Variants in TSKS observed in about 807,000 individuals in gnomAD.
The protein encoded by TSKS is testis specific serine kinase substrate, also known as testis-specific serine kinase substrate.
TSKS carries 27 observed loss-of-function variants against 68.0 expected under a neutral mutation model. That is an observed-to-expected ratio of 0.40 (90% confidence interval 0.29 to 0.55). TSKS has a LOEUF of 0.55. Ranked by LOEUF, TSKS falls within the 20% of genes least tolerant of loss-of-function variation. TSKS has a pLI of 0.53. For synonymous variants in TSKS, 331 were observed against 340.4 expected, an observed-to-expected ratio of 0.97 and a Z score of 0.30; for missense variants, 806 against 776.0, an observed-to-expected ratio of 1.04 and a Z score of -0.46.
chr19:49,746,431 G>T, intron 6 of TSKS, 39 bp downstream of exon 6: 1 of 1,608,378 alleles, frequency 6.2e-7, no homozygotes, highest in South Asian at 1.1e-5. Context: ...AGTCCCCGCC[G>T]ATCTCGTTTT....
In TSKS at chr19:49,747,451, G is replaced by T; in HGVS notation, c.601C>A (p.Arg201=). 1 of 1,614,162 alleles carries T rather than the reference G, an allele frequency of 6.2e-7. No homozygotes were observed. The highest frequency in any genetic ancestry group is 8.5e-7 in the Non-Finnish European group (1 of 1,180,038). ...TTGATTTCAGCATCTTCCACAGACC[G>T]GGTCACCTTCCAGCAGTTCTCCTGG... ...QLKENCWKVT[R]SVEDAEIKTN... Residue 201 remains arginine, a synonymous_variant, in exon 5 of 11, where the codon CGG becomes AGG. Transcript: ENST00000246801.
At chr19:49,756,382 C>T (rs1025372976) in intron 2 of TSKS, among the ~76,000 whole-genome samples, 1 of 151,898 alleles carries the variant, frequency 6.6e-6, no homozygotes. Context: ...CTGTTTGAGC[C>T]CAGGAGGTTG....
chr19:49,750,051 G>A (rs570338062), intron 2 of TSKS, among the ~76,000 whole-genome samples: 19 of 151,988 alleles, frequency 1.3e-4, no homozygotes, highest in African/African-American at 3.4e-4. Flanking sequence ...TCACTGGAAT[G>A]CACAATTGAG....
chr19:49,741,779 C>T, intron 9 of TSKS, 106 bp downstream of exon 9: 1 of 1,514,858 alleles, frequency 6.6e-7, no homozygotes. Context: ...CAGCTCAGCC[C>T]TTCCCCTTCT....
intron 1 of TSKS, among the ~76,000 whole-genome samples, chr19:49,762,729 CA>C (rs2084454036): frequency 6.6e-6 from 1 of 151,508 alleles, no homozygotes; most frequent in African/African-American, 2.4e-5. Flanking sequence ...GCCCGACCAC[CA>C]CTGTCTACTT....
chr19:49,752,771 C>T (rs2084361786), intron 2 of TSKS, among the ~76,000 whole-genome samples: 1 of 152,180 alleles, frequency 6.6e-6, no homozygotes, highest in Non-Finnish European at 1.5e-5. Context: ...AATGTTCCAA[C>T]AAATTCCTGG....
At chr19:49,745,442 G>T in intron 6 of TSKS, 46 bp from the exon 7 acceptor site, 1 of 1,419,694 alleles carries the variant, frequency 7.0e-7, no homozygotes, top group Non-Finnish European at 9.4e-7. Context: ...GGCTTCAACA[G>T]GTCCCCACCT....
chr19:49,760,665 C>T (rs1396631022), intron 2 of TSKS, among the ~76,000 whole-genome samples: 4 of 151,736 alleles, frequency 2.6e-5, no homozygotes, highest in Non-Finnish European at 4.4e-5. Context: ...AGGTGTGTGC[C>T]TGTGGTCCCA....
chr19:49,743,378 TTTTTA>T (rs977765401), intron 8 of TSKS, among the ~76,000 whole-genome samples: 1 of 151,712 alleles, frequency 6.6e-6, no homozygotes, highest in Non-Finnish European at 1.5e-5. Context: ...GCGTCCACCC[TTTTTA>T]TTTTATTTTT....
intron 2 of TSKS, among the ~76,000 whole-genome samples, chr19:49,752,447 C>T (rs141925499): frequency 2.0e-5 from 3 of 151,542 alleles, no homozygotes; most frequent in African/African-American, 7.3e-5. Flanking sequence ...AGGTGATATG[C>T]TGGCTCCATC....
rs557013917 is a variant in TSKS, at chr19:49,759,468, C to CAA, written c.399+2534_399+2535dup. ...TGGCAACAGAGCGAGACTCCATTTC[C>CAA]AAAAAAAAAAAAAAAAAATTACCTG... On this transcript the variant is annotated intron_variant, in intron 2 of 10. Transcript: ENST00000246801. Among the ~76,000 whole-genome samples the CAA allele has an allele frequency of 2.4e-3, 257 of 105,418 alleles. 1 individual carries two copies. The highest frequency in any genetic ancestry group is 7.2e-3 in the African/African-American group (207 of 28,920). The allele number at this position is 105,418 out of a possible 152,430, so 69.2% of individuals were successfully genotyped here.
chr19:49,755,280 G>T (rs369838737), intron 2 of TSKS, among the ~76,000 whole-genome samples: 2 of 152,178 alleles, frequency 1.3e-5, no homozygotes, highest in African/African-American at 4.8e-5. Context: ...CTATGGATCT[G>T]GGAGTCCCAG....
intron 4 of TSKS, 124 bp downstream of exon 4, chr19:49,747,961 G>T (rs1170350165): frequency 2.3e-6 from 2 of 885,376 alleles, no homozygotes; most frequent in South Asian, 2.9e-5. Context: ...TGCCTGCCTC[G>T]GCCTCCCAAA....
At position 49,746,530 on chromosome 19, in the gene TSKS, T is replaced by G; in HGVS notation, c.932A>C (p.Glu311Ala). Residue 311 changes from glutamate (E) to alanine (A), a missense_variant, in exon 6 of 11, where the codon GAG becomes GCG. Physicochemically the swap from Glu to Ala is moderately radical, Grantham distance 107. Transcript: ENST00000246801. The part of the protein sequence containing the change: ...AGWGMGPRAG[E>A]GPYVSEQELQ... Reference sequence around the variant, plus strand: ...TTCCTGCTCGCTCACGTAGGGGCCCTCGCCAGCCCGAGGCCCCATTCCCCA... The same window carrying G: ...TTCCTGCTCGCTCACGTAGGGGCCCGCGCCAGCCCGAGGCCCCATTCCCCA... 6.2e-7 allele frequency: 1 copy of G among 1,613,684 alleles called. No homozygotes were observed. Among genetic ancestry groups the G allele is most frequent in the Non-Finnish European group, 8.5e-7 (1 of 1,179,910 alleles).
chr19:49,742,622 T>C (rs1230452742), intron 8 of TSKS, among the ~76,000 whole-genome samples: 5 of 150,466 alleles, frequency 3.3e-5, no homozygotes, highest in Non-Finnish European at 5.9e-5. Context: ...CTCAGCCTCC[T>C]GAGTAGCAGG....
rs73588464 is a variant in TSKS at position 49,744,140 on chromosome 19, C to T, written c.1361+91G>A. ...ATACCTTGTCTCCCAAAATGAACAG[C>T]GCCCCACCCTTCACTAATGTCCCAT... On this transcript the variant is annotated intron_variant, in intron 8 of 10. Coordinates refer to ENST00000246801, the MANE Select transcript of TSKS (RefSeq NM_021733.2). 1.4e-3 allele frequency: 1,916 copies of T among 1,379,050 alleles called. 27 individuals are homozygous for T. In the African/African-American group the frequency reaches 0.023, roughly 17 times the overall value. The allele number at this position is 1,379,050 out of a possible 1,614,324, so 85.4% of individuals were successfully genotyped here.
intron 2 of TSKS, among the ~76,000 whole-genome samples, chr19:49,753,596 A>ATAATAATAAT (rs1555789510): frequency 4.1e-4 from 52 of 127,586 alleles, no homozygotes; most frequent in African/African-American, 1.6e-3. Context: ...AATAATAATA[A>ATAATAATAAT]AATAAAATTA....
rs1424032282 is a variant in TSKS at position 49,746,781 on chromosome 19, G to A, written c.681C>T (p.Leu227=). 6.3e-7 allele frequency: 1 copy of A among 1,599,914 alleles called. No homozygotes were observed. The highest frequency in any genetic ancestry group is 8.5e-7 in the Non-Finnish European group (1 of 1,179,702). The change falls in exon 6 of 11, where the codon CTC becomes CTT. Residue 227 remains leucine, a synonymous_variant. Transcript: ENST00000246801. ...GCGTCTCATCCTGCAGCTGCTGCTG[G>A]AGGTAGCGCAGCTTCTCCTGGGTGG... ...SALLEEKLRY[L]QQQLQDETPR...
At chr19:49,751,282 C>A (rs1379761493) in intron 2 of TSKS, among the ~76,000 whole-genome samples, 2 of 119,860 alleles carry the variant, frequency 1.7e-5, no homozygotes, top group Admixed American at 2.2e-4. Flanking sequence ...CCAGCCTGGG[C>A]GACAACGAGA....
Sources: allele counts gnomAD v4.1 joint callset (sites outside exome capture counted in the v4.1 genomes callset), GRCh38; gene constraint gnomAD v4.1.1; transcripts MANE v1.5; gene names NCBI Gene and HGNC (gene_info 2026-07-23, HGNC 2026-07-21).